Variants in MBP observed in about 807,000 individuals in gnomAD.
MBP encodes the protein myelin basic protein.
MBP carries 16 observed loss-of-function variants against 35.8 expected under a neutral mutation model. The observed-to-expected ratio is 0.45, with a 90% CI of 0.30 to 0.68. The LOEUF (loss-of-function observed/expected upper bound fraction) is 0.68. Ranked by LOEUF, MBP falls within the 30% of genes least tolerant of loss-of-function variation. The probability of loss-of-function intolerance (pLI) is 0.08; values close to 1 mark genes in which losing one functional copy is unlikely to be tolerated. For missense variants in MBP, 380 were observed against 404.7 expected, an observed-to-expected ratio of 0.94 and a Z score of 0.52; for synonymous variants, 143 against 159.6, an observed-to-expected ratio of 0.90 and a Z score of 0.78.
intron 3 of MBP, among the ~76,000 whole-genome samples, chr18:77,047,849 A>G (rs1204938224): frequency 6.6e-6 from 1 of 152,238 alleles, no homozygotes; most frequent in East Asian, 1.9e-4. Flanking sequence ...ATTATTTACC[A>G]GAACAGGCCA....
chr18:77,021,026 G>A (rs960876955), intron 3 of MBP, among the ~76,000 whole-genome samples: 2 of 152,226 alleles, frequency 1.3e-5, no homozygotes, highest in African/African-American at 2.4e-5. Flanking sequence ...CATAACTTGG[G>A]GGATGTTAAG....
intron 2 of MBP, among the ~76,000 whole-genome samples, chr18:77,083,128 G>A (rs145202568): frequency 3.9e-4 from 59 of 152,158 alleles, no homozygotes; most frequent in African/African-American, 1.3e-3. Context: ...GCCCTGCTAA[G>A]ATTTTTTTTC....
At position 76,979,550 on chromosome 18, in the gene MBP, G is replaced by A. The variant is rs1200577480; in HGVS notation, c.*877C>T. 8 of 218,424 alleles carry A rather than the reference G, an allele frequency of 3.7e-5. No individual in the cohort carries two copies. Among genetic ancestry groups the A allele is most frequent in the East Asian group, 1.3e-4 (1 of 7,744 alleles). 13.5% of individuals were successfully genotyped at this position (218,424 alleles called of 1,614,324 possible). Reference sequence around the variant, plus strand: ...ACTCCTACCCTTCTGCTCTGAGTGCGCAAGTCTTCCTGGACTCTCCGGCTG... The same window carrying A: ...ACTCCTACCCTTCTGCTCTGAGTGCACAAGTCTTCCTGGACTCTCCGGCTG... On this transcript the variant is annotated 3_prime_UTR_variant, in exon 9 of 9. Transcript: ENST00000355994.
At position 77,124,918 on chromosome 18, in the gene MBP, G is replaced by A. The variant is rs574527751; in HGVS notation, c.-26+7662C>T. ...TTTCAGATTTAGCTAGATTCTCATG[G>A]TTCTTCCTCAAGTCATGGGCTCAAG... is the stretch of plus-strand genomic sequence containing the variant. On this transcript the variant is annotated intron_variant, in intron 1 of 8. Coordinates refer to ENST00000355994, the MANE Select transcript of MBP (RefSeq NM_001025101.2). 2.1e-3 allele frequency among the ~76,000 whole-genome samples: 325 copies of A among 152,268 alleles called. 4 individuals are homozygous for A. Among genetic ancestry groups the A allele is most frequent in the Non-Finnish European group, 2.8e-3 (188 of 68,026 alleles).
chr18:77,099,053 A>T (rs570761510), intron 2 of MBP, among the ~76,000 whole-genome samples: 2 of 151,376 alleles, frequency 1.3e-5, no homozygotes, highest in East Asian at 3.9e-4. Flanking sequence ...AACTCACTTC[A>T]TACAAGGGGA....
At chr18:77,005,710 AG>A (rs1274820623) in intron 4 of MBP, 1 of 152,520 alleles carries the variant, frequency 6.6e-6, no homozygotes, top group Non-Finnish European at 1.5e-5. Flanking sequence ...AGAAACACAG[AG>A]GACCCAAAGC....
intron 3 of MBP, among the ~76,000 whole-genome samples, chr18:77,049,955 C>T (rs746857812): frequency 6.6e-6 from 1 of 152,240 alleles, no homozygotes; most frequent in Non-Finnish European, 1.5e-5. Context: ...GCTAGGATTA[C>T]AGGCGTGAGC....
In MBP at chr18:77,102,575, G is replaced by C. The variant is rs547440973; in HGVS notation, c.51+2636C>G. Among the ~76,000 whole-genome samples the C allele has an allele frequency of 2.6e-5, 4 of 152,192 alleles. No individual in the cohort carries two copies. The South Asian group carries it at 8.3e-4, about 32-fold the overall frequency. ...TTTCCAAGTTTTGAGGTTTTTAAAT[G>C]ATCAGAACTTTAAACATGAGATTTC... On this transcript the variant is annotated intron_variant, in intron 2 of 8. Transcript: ENST00000355994. This position sits in a 1 kb window ranked among gnomAD's most constrained non-coding sequence, Gnocchi z 4.4.
rs568666525 is a variant in MBP at position 76,979,627 on chromosome 18, C to G, written c.*800G>C. 1.1e-5 allele frequency: 4 copies of G among 356,352 alleles called. No homozygotes were observed. Among genetic ancestry groups the G allele is most frequent in the East Asian group, 1.2e-4 (2 of 16,048 alleles). The allele number at this position is 356,352 out of a possible 1,614,324, so 22.1% of individuals were successfully genotyped here. A position where few individuals can be genotyped will look rare whatever the true frequency, so the allele number is the denominator to read the frequency against. ...TTCATAGAGGCTGCTCTGGGGCCAC[C>G]ATGCAGGGCAACGGTGACGTCCAGA... On this transcript the variant is annotated 3_prime_UTR_variant, in exon 9 of 9. Transcript: ENST00000355994.
At chr18:77,070,948 G>T (rs911165432) in intron 2 of MBP, among the ~76,000 whole-genome samples, 7 of 152,196 alleles carry the variant, frequency 4.6e-5, no homozygotes, top group African/African-American at 1.7e-4. Flanking sequence ...AAGTGTGAGA[G>T]ATCTCCTACC....
At chr18:77,083,032 T>C (rs1374386244) in intron 2 of MBP, among the ~76,000 whole-genome samples, 1 of 151,830 alleles carries the variant, frequency 6.6e-6, no homozygotes, top group Non-Finnish European at 1.5e-5. Flanking sequence ...TAGAGTGAAG[T>C]GGCACAATCT....
chr18:77,016,966 A>G lies in MBP; in HGVS notation c.442T>C (p.Tyr148His), dbSNP rs2123465579. 20 of 1,613,932 alleles carry G rather than the reference A, an allele frequency of 1.2e-5. No homozygotes were observed. The highest frequency in any genetic ancestry group is 1.7e-5 in the Non-Finnish European group (20 of 1,179,996). ...TCCATGGTACTTGCTGTGGCCAGGTACTTGGATCCGTGCCTCTGGGAGGGT... is the reference window on the plus strand; with the variant it reads ...TCCATGGTACTTGCTGTGGCCAGGTGCTTGGATCCGTGCCTCTGGGAGGGT... ...KRPSQRHGSK[Y>H]LATASTMDHA... Residue 148 changes from tyrosine (Y) to histidine (H), a missense_variant, in exon 4 of 9, where the codon TAC becomes CAC. Physicochemically the swap from Tyr to His is moderately conservative, Grantham distance 83. Coordinates refer to ENST00000355994, the MANE Select transcript of MBP (RefSeq NM_001025101.2).
At chr18:77,097,319 A>G (rs1975799316) in intron 2 of MBP, 2 of 152,214 alleles carry the variant, frequency 1.3e-5, no homozygotes, top group South Asian at 2.1e-4. Flanking sequence ...GTTGTGGACA[A>G]CTTTCTCCTC....
At chr18:77,009,170 C>T (rs987816171) in intron 4 of MBP, among the ~76,000 whole-genome samples, 1 of 152,162 alleles carries the variant, frequency 6.6e-6, no homozygotes, top group African/African-American at 2.4e-5. Flanking sequence ...CTCACGGTGA[C>T]GGCAGTGCCA....
chr18:76,981,553 G>A (rs944653637), intron 8 of MBP: 2 of 152,210 alleles, frequency 1.3e-5, no homozygotes, highest in Non-Finnish European at 2.9e-5. Flanking sequence ...CCTCTATGTT[G>A]TGCTTACACA....
At chr18:77,094,696 T>C (rs2145055433) in intron 2 of MBP, among the ~76,000 whole-genome samples, 1 of 152,326 alleles carries the variant, frequency 6.6e-6, no homozygotes, top group South Asian at 2.1e-4. Context: ...CCCCAATTTT[T>C]CTCATGACAA....
Position 76,988,126 on chromosome 18 carries a change from CGGGTTCCT to C in MBP, c.750+361_750+368del. On this transcript the variant is annotated intron_variant, in intron 7 of 8. Coordinates refer to ENST00000355994, the MANE Select transcript of MBP (RefSeq NM_001025101.2). This position sits in a 1 kb window ranked among gnomAD's most constrained non-coding sequence, Gnocchi z 5.2. The stretch of plus-strand genomic sequence containing the variant: ...GGCCAGCCAGTCCCACTTCCACATG[CGGGTTCCT>C]GGGGCTTCTCGCACTGGTTGTGTTG... The C allele has an allele frequency of 1.3e-6, 2 of 1,521,932 alleles. No individual in the cohort carries two copies. Among genetic ancestry groups the C allele is most frequent in the South Asian group, 2.4e-5 (2 of 82,270 alleles). 94.3% of individuals were successfully genotyped at this position (1,521,932 alleles called of 1,614,324 possible).
At chr18:77,123,385 A>G (rs921505618) in intron 1 of MBP, among the ~76,000 whole-genome samples, 19 of 152,278 alleles carry the variant, frequency 1.2e-4, no homozygotes, top group African/African-American at 4.6e-4. Context: ...TTTAGTATCA[A>G]TTAGTTATTC....
At chr18:77,032,377 C>T (rs537167292) in intron 3 of MBP, among the ~76,000 whole-genome samples, 4 of 152,234 alleles carry the variant, frequency 2.6e-5, no homozygotes, top group African/African-American at 9.7e-5. Flanking sequence ...TTCCCACAAA[C>T]GAGGCTCATC....
Sources: gnomAD v4.1 joint callset for allele counts (sites outside exome capture counted in the v4.1 genomes callset) on GRCh38, gnomAD v4.1.1 for gene constraint, Gnocchi (gnomAD v3.1) non-coding constraint, MANE v1.5 for transcripts, NCBI Gene and HGNC (gene_info 2026-07-23, HGNC 2026-07-21) for gene names.